Variants in MPP4 observed in about 807,000 individuals in gnomAD.
MPP4 encodes MAGUK p55 scaffold protein 4.
MPP4 carries 91 observed loss-of-function variants against 98.3 expected under a neutral mutation model. That is an observed-to-expected ratio of 0.93 (90% CI 0.78 to 1.10). The LOEUF is 1.10. MPP4 is among the 50% of genes least tolerant of loss of function. The pLI, the probability that MPP4 is intolerant of heterozygous loss-of-function variation, is 0.00. For missense variants in MPP4, 744 were observed against 792.9 expected (o/e 0.94, Z 0.74); for synonymous variants, 261 against 271.8 (o/e 0.96, Z 0.39).
chr2:201,659,040 C>A (rs1687940319), intron 15 of MPP4, among the ~76,000 whole-genome samples: 2 of 152,036 alleles, frequency 1.3e-5, no homozygotes, highest in South Asian at 4.2e-4. Context: ...GGATTCCAGG[C>A]ACGCACCACC....
Position 201,647,816 on chromosome 2 carries a change from C to T in MPP4, c.1594G>A (p.Gly532Arg), listed in dbSNP as rs1355267112. ...VMDLEPQDIQ[G>R]VRTHELKPYV... ...GGCTTCAGTTCATGGGTTCGAACCCCTTGAATATCCTACACAGAAAATTTA... is the reference window on the plus strand; with the variant it reads ...GGCTTCAGTTCATGGGTTCGAACCCTTTGAATATCCTACACAGAAAATTTA... Residue 532 changes from glycine to arginine, a missense_variant, in exon 21 of 22, where the codon GGG (glycine) becomes AGG (arginine). Coordinates refer to ENST00000409474, the MANE Select transcript of MPP4 (RefSeq NM_033066.3). 6.2e-7 allele frequency: 1 copy of T among 1,610,768 alleles called. No homozygotes were observed. The highest frequency in any genetic ancestry group is 1.7e-5 in the Admixed American group (1 of 59,608).
At chr2:201,696,614 C>T (rs551298963) in intron 1 of MPP4, among the ~76,000 whole-genome samples, 15 of 152,172 alleles carry the variant, frequency 9.9e-5, no homozygotes, top group Non-Finnish European at 1.6e-4. Flanking sequence ...CCTACCCATT[C>T]AGCAGTTGGG....
chr2:201,692,225 C>G (rs538517489), intron 3 of MPP4, among the ~76,000 whole-genome samples: 1 of 152,256 alleles, frequency 6.6e-6, no homozygotes, highest in South Asian at 2.1e-4. Context: ...ATGTGTACTT[C>G]CAAAATGCAT....
chr2:201,650,493 C>T (rs1687684933), intron 18 of MPP4: 1 of 985,276 alleles, frequency 1.0e-6, no homozygotes, highest in African/African-American at 1.7e-5. Context: ...CCTGAAAGCT[C>T]CCAGGTAGCA....
chr2:201,690,978 C>T lies in MPP4; in HGVS notation c.202-699G>A, dbSNP rs536631170. Among the ~76,000 whole-genome samples the T allele has an allele frequency of 4.9e-4, 75 of 152,298 alleles. No homozygotes were observed. The East Asian group carries it at 0.011, about 23-fold the overall frequency. On this transcript the variant is annotated intron_variant, in intron 3 of 21. Coordinates refer to ENST00000409474, the MANE Select transcript of MPP4 (RefSeq NM_033066.3). ...TTAGGAATTGAGTTTCTCTTACAGA[C>T]GAAGAAATAAGGCCCAAGGGGCCGG... is the stretch of plus-strand genomic sequence containing the variant.
intron 7 of MPP4, 59 bp downstream of exon 7, chr2:201,685,005 A>G: frequency 7.0e-7 from 1 of 1,423,144 alleles, no homozygotes; most frequent in Non-Finnish European, 9.6e-7. Context: ...AAAGAAGCCT[A>G]AACAGTCAAG....
rs1341618993 is a variant in MPP4, at chr2:201,675,478, C to T, written c.930-207G>A. Among the ~76,000 whole-genome samples the T allele has an allele frequency of 2.0e-5, 3 of 152,346 alleles. No individual in the cohort carries two copies. The East Asian group carries it at 5.8e-4, about 29-fold the overall frequency. ...GGCTCTCTCATGTCTTCTTCTGCCT[C>T]ACGGGATCTTTTCAGAACAACAAAG... On this transcript the variant is annotated intron_variant, in intron 10 of 21. Transcript: ENST00000409474.
In MPP4 at chr2:201,682,900, T is replaced by G. The variant is rs1323240310; in HGVS notation, c.591A>C (p.Gly197=). 3.1e-6 allele frequency: 5 copies of G among 1,613,828 alleles called. No homozygotes were observed. The South Asian group carries it at 5.5e-5, about 18-fold the overall frequency. The change falls in exon 8 of 22, where the codon GGA becomes GGC. Residue 197 remains glycine (G), a synonymous_variant. Coordinates refer to ENST00000409474, the MANE Select transcript of MPP4 (RefSeq NM_033066.3). ...LAERSGLLYA[G]DKLVEVNGVS... is the part of the protein sequence containing the mutation. ...CTCCATTCACTTCTACCAGTTTGTC[T>G]CCAGCATATAGCAACCCTAGGCAGA...
At chr2:201,658,552 T>C (rs1403008835) in intron 15 of MPP4, 34 bp from the exon 16 acceptor site, 1 of 1,591,784 alleles carries the variant, frequency 6.3e-7, no homozygotes, top group Non-Finnish European at 8.6e-7. Flanking sequence ...GCAGAATATG[T>C]GAGAGCGAGA....
At chr2:201,649,791 T>C in intron 19 of MPP4, 107 bp from the exon 20 acceptor site, 1 of 759,200 alleles carries the variant, frequency 1.3e-6, no homozygotes, top group African/African-American at 1.7e-5. Context: ...ATGTGGACTT[T>C]ATTAACACAG....
At position 201,685,985 on chromosome 2, in the gene MPP4, T is replaced by C. The variant is rs371164902; in HGVS notation, c.426A>G (p.Pro142=). The C allele has an allele frequency of 2.3e-4, 376 of 1,613,112 alleles. 4 individuals are homozygous for C. In the South Asian group the frequency reaches 3.1e-3, roughly 13 times the overall value. ...CTTCCTCACTCTCAGGGATATTGTC[T>C]GGCAGTGGAGGGAGAAGGGGTTCAA... ...KDFEPLLPPL[P]DNIPESEEAM... is the part of the protein sequence containing the mutation. Residue 142 remains proline (P), a synonymous_variant, in exon 6 of 22, where the codon CCA becomes CCG. Coordinates refer to ENST00000409474, the MANE Select transcript of MPP4 (RefSeq NM_033066.3).
At chr2:201,663,125 G>T (rs538271507) in intron 14 of MPP4, among the ~76,000 whole-genome samples, 2 of 152,336 alleles carry the variant, frequency 1.3e-5, no homozygotes, top group South Asian at 2.1e-4. Context: ...CATTCTGTTT[G>T]AATGTCTCTC....
chr2:201,680,578 G>A (rs895805612), intron 10 of MPP4: 15 of 409,838 alleles, frequency 3.7e-5, no homozygotes, highest in Non-Finnish European at 6.7e-5. Flanking sequence ...AAACATTCAG[G>A]CCATAGCACT....
Position 201,649,683 on chromosome 2 carries a change from T to C in MPP4, c.1477A>G (p.Met493Val). The change falls in exon 20 of 22, where the codon ATG (methionine) becomes GTG (valine). Residue 493 changes from methionine (M) to valine (V), a missense_variant and splice_region_variant. Physicochemically the swap from Met to Val is conservative, Grantham distance 21. Coordinates refer to ENST00000409474, the MANE Select transcript of MPP4 (RefSeq NM_033066.3). The part of the protein sequence containing the change: ...TFENLIYSHR[M>V]LEYGEYKGHL... The stretch of plus-strand genomic sequence containing the variant: ...CCTTTGTACTCACCATACTCCAGCA[T>C]CCTGCAAGAGCAGGCCAAACAAAAC... The C allele has an allele frequency of 1.2e-6, 2 of 1,605,938 alleles. No individual in the cohort carries two copies. The highest frequency in any genetic ancestry group is 1.7e-6 in the Non-Finnish European group (2 of 1,175,342).
At chr2:201,664,438 T>A in intron 13 of MPP4, 1 of 1,138,148 alleles carries the variant, frequency 8.8e-7, no homozygotes, top group Non-Finnish European at 1.2e-6. Flanking sequence ...TAGAGACTGT[T>A]GGATACTGCT....
At chr2:201,679,060 C>CATCCCTTT (rs1210080364) in intron 10 of MPP4, among the ~76,000 whole-genome samples, 1 of 152,088 alleles carries the variant, frequency 6.6e-6, no homozygotes, top group Non-Finnish European at 1.5e-5. Context: ...TAACTTCCAG[C>CATCCCTTT]ATCCCTTTCT....
intron 18 of MPP4, 124 bp downstream of exon 18, chr2:201,654,713 T>C: frequency 1.9e-6 from 1 of 517,482 alleles, no homozygotes; most frequent in Non-Finnish European, 3.2e-6. Flanking sequence ...TGGTTAGAAA[T>C]ACTTAAGAAC....
intron 11 of MPP4, chr2:201,674,981 A>G (rs1211385029): frequency 1.5e-6 from 1 of 666,080 alleles, no homozygotes; most frequent in African/African-American, 1.8e-5. Flanking sequence ...CTCTGATCCA[A>G]CCAATCAGTA....
chr2:201,667,341 C>A (rs1688209923), intron 12 of MPP4, among the ~76,000 whole-genome samples: 1 of 152,188 alleles, frequency 6.6e-6, no homozygotes, highest in Non-Finnish European at 1.5e-5. Flanking sequence ...AAACACTGAT[C>A]AGAATGAATA....
Sources: allele counts gnomAD v4.1 joint callset (sites outside exome capture counted in the v4.1 genomes callset), GRCh38; gene constraint gnomAD v4.1.1; transcripts MANE v1.5; gene names NCBI Gene and HGNC (gene_info 2026-07-23, HGNC 2026-07-21).